The following RPH3A variants were observed in gnomAD, a reference collection of about 807,000 sequenced individuals.
RPH3A encodes the protein rabphilin 3A, also known as rabphilin-3A.
Under a neutral mutation model 102.2 loss-of-function variants are expected in RPH3A, and 48 were observed. The observed-to-expected ratio is 0.47, with a 90% CI of 0.37 to 0.60. RPH3A has a LOEUF of 0.60. Ranked by LOEUF, RPH3A falls within the 20% of genes least tolerant of loss-of-function variation. The pLI is 0.00. For missense variants in RPH3A, 781 were observed against 910.1 expected, an observed-to-expected ratio of 0.86 and a Z score of 1.83; for synonymous variants, 310 against 324.3, an observed-to-expected ratio of 0.96 and a Z score of 0.47.
chr12:112,625,734 G>A (rs1203214134), intron 1 of RPH3A, among the ~76,000 whole-genome samples: 1 of 110,098 alleles, frequency 9.1e-6, no homozygotes, highest in African/African-American at 3.7e-5. Flanking sequence ...AACCAAAAAA[G>A]AGCCTGCATC....
Position 112,876,862 on chromosome 12 carries a change from A to T in RPH3A, c.1167A>T (p.Glu389Asp), listed in dbSNP as rs1170180191. Residue 389 changes from glutamate (E) to aspartate (D), a missense_variant, in exon 13 of 22, where the codon GAA becomes GAT. Physicochemically the swap from Glu to Asp is conservative, Grantham distance 45 (BLOSUM62 2). This residue lies in a region of RPH3A where 730 missense variants were observed against 810.0 expected (regional missense o/e 0.90). Coordinates refer to ENST00000389385, the MANE Select transcript of RPH3A (RefSeq NM_001143854.2). ...EEEANSYDSDEATTLGALEFS... is the reference protein window; with the variant it reads ...EEEANSYDSDDATTLGALEFS... ...AAGCCAACAGCTACGATTCGGATGAAGCAAGTAGGTGGTGCCTAAGGGAGA... is the reference window on the plus strand; with the variant it reads ...AAGCCAACAGCTACGATTCGGATGATGCAAGTAGGTGGTGCCTAAGGGAGA... 6.3e-7 allele frequency: 1 copy of T among 1,595,770 alleles called. No homozygotes were observed. Among genetic ancestry groups the T allele is most frequent in the Non-Finnish European group, 8.5e-7 (1 of 1,169,806 alleles).
rs750516415 is a variant in RPH3A at position 112,875,747 on chromosome 12, TATCTGCTTCCTCCC to T, written c.946+9_946+22del. ...CTTTCCAGATCAGAAGCCAGGCAAG[TATCTGCTTCCTCCC>T]ATGCCTGCCCAAGTGGCCACCTCTC... On this transcript the variant is annotated splice_region_variant and intron_variant, in intron 12 of 21. Coordinates refer to ENST00000389385, the MANE Select transcript of RPH3A (RefSeq NM_001143854.2). 1.2e-6 allele frequency: 2 copies of T among 1,613,496 alleles called. No homozygotes were observed. The highest frequency in any genetic ancestry group is 2.7e-5 in the African/African-American group (2 of 74,888).
chr12:112,869,833 A>T, intron 9 of RPH3A, 36 bp downstream of exon 9: 3 of 1,614,160 alleles, frequency 1.9e-6, no homozygotes, highest in Non-Finnish European at 2.5e-6. Flanking sequence ...CATTTGAGAC[A>T]CGAATTCACC....
intron 1 of RPH3A, among the ~76,000 whole-genome samples, chr12:112,748,659 T>C (rs1432305515): frequency 6.6e-6 from 1 of 152,158 alleles, no homozygotes; most frequent in Non-Finnish European, 1.5e-5. Context: ...AACATTCTTA[T>C]ATAATTGCTA....
chr12:112,806,983 T>G (rs1028989684), intron 2 of RPH3A, among the ~76,000 whole-genome samples: 1 of 151,940 alleles, frequency 6.6e-6, no homozygotes, highest in Non-Finnish European at 1.5e-5. Flanking sequence ...AAAAAACAGT[T>G]TTCTTGGCAG....
At chr12:112,636,894 A>G (rs2039852610) in intron 1 of RPH3A, among the ~76,000 whole-genome samples, 2 of 152,284 alleles carry the variant, frequency 1.3e-5, no homozygotes, top group South Asian at 2.1e-4. Context: ...AAAAATCTGT[A>G]TAGAGCTTAC....
At chr12:112,604,896 GT>G (rs1440193014) in intron 1 of RPH3A, among the ~76,000 whole-genome samples, 2 of 152,220 alleles carry the variant, frequency 1.3e-5, no homozygotes, top group Non-Finnish European at 2.9e-5. Context: ...CACCCCCAGA[GT>G]GAGCAATCTG....
intron 4 of RPH3A, among the ~76,000 whole-genome samples, chr12:112,842,481 C>T (rs149230562): frequency 6.6e-6 from 1 of 152,282 alleles, no homozygotes; most frequent in African/African-American, 2.4e-5. Flanking sequence ...CCAGGCAGGG[C>T]AGTGCCAGAA....
intron 1 of RPH3A, among the ~76,000 whole-genome samples, chr12:112,727,848 G>A (rs1293887396): frequency 2.0e-5 from 3 of 152,108 alleles, no homozygotes; most frequent in Non-Finnish European, 4.4e-5. Flanking sequence ...GGGTTCTTTT[G>A]TTCACAACCA....
In RPH3A at chr12:112,883,375, A is replaced by T. The variant is rs2042954144; in HGVS notation, c.1409A>T (p.Asp470Val). 6.2e-7 allele frequency: 1 copy of T among 1,614,078 alleles called. No homozygotes were observed. The highest frequency in any genetic ancestry group is 8.5e-7 in the Non-Finnish European group (1 of 1,179,950). The change falls in exon 16 of 22, where the codon GAT (aspartate) becomes GTT (valine). Residue 470 changes from aspartate to valine, a missense_variant. Around this residue, in one of 2 missense-constraint regions of RPH3A, gnomAD observed 730 missense variants for 810.0 expected, o/e 0.90. Coordinates refer to ENST00000389385, the MANE Select transcript of RPH3A (RefSeq NM_001143854.2). ...ACCCTCGTGTATCACGGCATCACCG[A>T]TGAGGACATGCAAAGGAAGACCCTC... ...NETLVYHGIT[D>V]EDMQRKTLRI...
intron 1 of RPH3A, among the ~76,000 whole-genome samples, chr12:112,734,533 G>C (rs1458060864): frequency 6.6e-6 from 1 of 152,168 alleles, no homozygotes; most frequent in Non-Finnish European, 1.5e-5. Flanking sequence ...AAGAATTAAG[G>C]GTGAGTCCAT....
intron 1 of RPH3A, among the ~76,000 whole-genome samples, chr12:112,586,348 A>C (rs2039439290): frequency 6.6e-6 from 1 of 152,136 alleles, no homozygotes. Context: ...GGTTGTGCTA[A>C]GTGCTGTGAA....
At chr12:112,845,602 A>G (rs1417314664) in intron 4 of RPH3A, among the ~76,000 whole-genome samples, 1 of 152,144 alleles carries the variant, frequency 6.6e-6, no homozygotes, top group Non-Finnish European at 1.5e-5. Context: ...AGTAACCTCC[A>G]TTGCTTCTGT....
intron 1 of RPH3A, among the ~76,000 whole-genome samples, chr12:112,737,659 T>A (rs2040679222): frequency 6.6e-6 from 1 of 152,126 alleles, no homozygotes; most frequent in Non-Finnish European, 1.5e-5. Flanking sequence ...ACTAATCAAT[T>A]ACGGTATGAA....
intron 2 of RPH3A, among the ~76,000 whole-genome samples, chr12:112,816,501 C>T (rs2041673490): frequency 6.6e-6 from 1 of 152,122 alleles, no homozygotes; most frequent in Non-Finnish European, 1.5e-5. Flanking sequence ...ACATGATTGT[C>T]CAGATAGGAA....
At chr12:112,854,758 G>A (rs1054889184) in intron 5 of RPH3A, among the ~76,000 whole-genome samples, 1 of 152,240 alleles carries the variant, frequency 6.6e-6, no homozygotes, top group African/African-American at 2.4e-5. Flanking sequence ...GCTCAGGGAA[G>A]TTAAGCCACT....
At position 112,771,643 on chromosome 12, in the gene RPH3A, C is replaced by G. The variant is rs549253757; in HGVS notation, c.-139-20500C>G. ...ATTGATATAAGTACTGCCAAATAGC[C>G]TATTGATGGAATTTTATTAATTTTC... On this transcript the variant is annotated intron_variant, in intron 1 of 21. Transcript: ENST00000543106. Among the ~76,000 whole-genome samples the G allele has an allele frequency of 5.9e-5, 9 of 152,252 alleles. No homozygotes were observed. In the South Asian group the frequency reaches 1.9e-3, roughly 32 times the overall value.
At chr12:112,768,389 C>G (rs2040905681) in intron 1 of RPH3A, among the ~76,000 whole-genome samples, 1 of 152,202 alleles carries the variant, frequency 6.6e-6, no homozygotes, top group African/African-American at 2.4e-5. Context: ...TCTTGGCTTC[C>G]TCTCTCATCT....
intron 3 of RPH3A, 75 bp downstream of exon 3, chr12:112,828,464 A>G: frequency 1.8e-6 from 2 of 1,113,308 alleles, no homozygotes; most frequent in South Asian, 1.4e-5. Context: ...CTTGAAAAAA[A>G]GAAGGAATAG....
Sources: allele counts gnomAD v4.1 joint callset (sites outside exome capture counted in the v4.1 genomes callset), GRCh38; gene constraint gnomAD v4.1.1; regional missense constraint gnomAD v4.1.1; transcripts MANE v1.5; gene names NCBI Gene and HGNC (gene_info 2026-07-23, HGNC 2026-07-21).